The following TRPM8 variants were observed in gnomAD, a reference collection of about 807,000 sequenced individuals.
The protein encoded by TRPM8 is transient receptor potential cation channel subfamily M member 8.
TRPM8 carries 110 observed loss-of-function variants against 133.7 expected under a neutral mutation model. That is an observed-to-expected ratio of 0.82 (90% confidence interval 0.70 to 0.96). The LOEUF (loss-of-function observed/expected upper bound fraction) is 0.96. Ranked by LOEUF, TRPM8 falls within the 40% of genes least tolerant of loss-of-function variation. The pLI is 0.00. For missense variants in TRPM8, 1,291 were observed against 1,379.5 expected, an observed-to-expected ratio of 0.94 and a Z score of 1.02; for synonymous variants, 535 against 532.3, an observed-to-expected ratio of 1.01 and a Z score of -0.07.
Position 233,947,568 on chromosome 2 carries a change from C to T in TRPM8, c.942+413C>T, listed in dbSNP as rs28901644. 17,971 of 1,292,324 alleles carry T rather than the reference C, an allele frequency of 0.014. 1,437 individuals are homozygous for T. The East Asian group carries it at 0.22, about 16-fold the overall frequency. 80.1% of individuals were successfully genotyped at this position (1,292,324 alleles called of 1,614,324 possible). On this transcript the variant is annotated intron_variant, in intron 8 of 25. Transcript: ENST00000324695. ...GACCACCTAAGGCCCATTTATATGC[C>T]ACCTGGGGATGCAGGTATGTTGCAT... is the stretch of plus-strand genomic sequence containing the variant.
chr2:233,994,316 A>C (rs1431685287), intron 21 of TRPM8, among the ~76,000 whole-genome samples: 1 of 152,196 alleles, frequency 6.6e-6, no homozygotes, highest in Non-Finnish European at 1.5e-5. Flanking sequence ...CCTGACCTAC[A>C]TTTGGAAGAA....
chr2:234,014,869 C>G (rs1444101627), intron 25 of TRPM8, among the ~76,000 whole-genome samples: 1 of 151,880 alleles, frequency 6.6e-6, no homozygotes, highest in Non-Finnish European at 1.5e-5. Context: ...CTGCCCACAC[C>G]AGGGATTAGC....
At chr2:233,997,400 C>G (rs1199039585) in intron 22 of TRPM8, among the ~76,000 whole-genome samples, 1 of 152,160 alleles carries the variant, frequency 6.6e-6, no homozygotes, top group Non-Finnish European at 1.5e-5. Flanking sequence ...CAGGGAGGGT[C>G]GGCAGTGGGC....
intron 19 of TRPM8, among the ~76,000 whole-genome samples, chr2:233,982,729 G>A (rs976441546): frequency 2.6e-5 from 4 of 152,158 alleles, no homozygotes; most frequent in Non-Finnish European, 2.9e-5. Context: ...TGAGGTACAG[G>A]GACAGAGAGG....
intron 21 of TRPM8, among the ~76,000 whole-genome samples, chr2:233,993,207 G>A (rs1480198409): frequency 1.3e-5 from 2 of 152,168 alleles, no homozygotes; most frequent in African/African-American, 4.8e-5. Flanking sequence ...ATGCCCATAA[G>A]AGTTCTTGCT....
At chr2:233,966,493 A>T in intron 14 of TRPM8, 117 bp from the exon 15 acceptor site, 2 of 1,266,212 alleles carry the variant, frequency 1.6e-6, no homozygotes, top group South Asian at 1.3e-5. Flanking sequence ...CTTTTGTAAG[A>T]ATGGACTCAC....
At chr2:233,930,517 T>C (rs113141171) in intron 2 of TRPM8, 151 bp from the exon 3 acceptor site, 2 of 536,636 alleles carry the variant, frequency 3.7e-6, no homozygotes, top group South Asian at 8.2e-5. Flanking sequence ...TTTTGTATAC[T>C]CTAAAGGCAT....
chr2:233,952,335 A>G (rs1240311799), intron 9 of TRPM8, among the ~76,000 whole-genome samples: 1 of 152,154 alleles, frequency 6.6e-6, no homozygotes, highest in African/African-American at 2.4e-5. Context: ...TTTGGAAGAA[A>G]GGTAACATGG....
intron 11 of TRPM8, among the ~76,000 whole-genome samples, chr2:233,957,072 C>G (rs1363095417): frequency 1.3e-5 from 2 of 152,162 alleles, no homozygotes; most frequent in Non-Finnish European, 2.9e-5. Flanking sequence ...ACTTAACCTC[C>G]CTATGCCTCA....
intron 1 of TRPM8, among the ~76,000 whole-genome samples, chr2:233,923,360 G>A (rs1317999784): frequency 6.6e-6 from 1 of 152,140 alleles, no homozygotes; most frequent in Non-Finnish European, 1.5e-5. Flanking sequence ...CTTTGGAAAG[G>A]CCTGTTACTG....
rs28901655 is a variant in TRPM8, at chr2:233,954,140, G to A, written c.1243+121G>A. ...AGGCAAGCTTGTACTTAATTTTGAT[G>A]ATCCTAGATTGGAAGCTAGAATAAC... On this transcript the variant is annotated intron_variant, in intron 10 of 25. Coordinates refer to ENST00000324695, the MANE Select transcript of TRPM8 (RefSeq NM_024080.5). 2.5e-3 allele frequency: 1,555 copies of A among 623,386 alleles called. 17 individuals are homozygous for A. In the African/African-American group the frequency reaches 0.025, roughly 10 times the overall value. 38.6% of individuals were successfully genotyped at this position (623,386 alleles called of 1,614,324 possible). A position where few individuals can be genotyped will look rare whatever the true frequency, so the allele number is the denominator to read the frequency against.
rs571267596 is a variant in TRPM8, at chr2:233,965,809, A to G, written c.1880-801A>G. 6.6e-5 allele frequency among the ~76,000 whole-genome samples: 10 copies of G among 151,966 alleles called. No individual in the cohort carries two copies. The South Asian group carries it at 2.1e-3, about 32-fold the overall frequency. On this transcript the variant is annotated intron_variant, in intron 14 of 25. Coordinates refer to ENST00000324695, the MANE Select transcript of TRPM8 (RefSeq NM_024080.5). ...ACTGCAATTTCTTTGTCATTAGGTG[A>G]TGAAATGTAAGCACACACTAATGCA...
intron 8 of TRPM8, among the ~76,000 whole-genome samples, chr2:233,948,493 A>G (rs1006974705): frequency 1.3e-5 from 2 of 152,272 alleles, no homozygotes; most frequent in African/African-American, 4.8e-5. Context: ...AATCTGCAAA[A>G]GCAGCCACAT....
chr2:233,987,057 A>G (rs940417942), intron 21 of TRPM8, among the ~76,000 whole-genome samples: 4 of 152,208 alleles, frequency 2.6e-5, no homozygotes, highest in Non-Finnish European at 5.9e-5. Flanking sequence ...TATTAAAGGA[A>G]AAACATGCAA....
At chr2:233,983,730 G>C (rs1033065185) in intron 20 of TRPM8, among the ~76,000 whole-genome samples, 1 of 152,218 alleles carries the variant, frequency 6.6e-6, no homozygotes, top group Admixed American at 6.5e-5. Flanking sequence ...AGGAAAGTGA[G>C]GGGCTATGTA....
chr2:233,997,082 C>T (rs1292219709), intron 22 of TRPM8, among the ~76,000 whole-genome samples: 5 of 152,000 alleles, frequency 3.3e-5, no homozygotes, highest in African/African-American at 7.2e-5. Flanking sequence ...CTGGGCAACA[C>T]GGTGAAACCC....
At chr2:233,920,150 C>T (rs1250442605) in intron 1 of TRPM8, among the ~76,000 whole-genome samples, 3 of 152,054 alleles carry the variant, frequency 2.0e-5, no homozygotes, top group Non-Finnish European at 2.9e-5. Flanking sequence ...TGCAGGATGA[C>T]GTATAGTTTC....
At chr2:233,972,899 C>T (rs1691768091) in intron 17 of TRPM8, among the ~76,000 whole-genome samples, 1 of 152,248 alleles carries the variant, frequency 6.6e-6, no homozygotes, top group South Asian at 2.1e-4. Context: ...CCTTGGCCAG[C>T]CCAGAAAGGG....
chr2:233,921,063 G>C (rs531361256), intron 1 of TRPM8, among the ~76,000 whole-genome samples: 1 of 152,050 alleles, frequency 6.6e-6, no homozygotes, highest in African/African-American at 2.4e-5. Context: ...GTTTCACCAT[G>C]TTGGCCAGGC....
Sources: allele counts gnomAD v4.1 joint callset (sites outside exome capture counted in the v4.1 genomes callset), GRCh38; gene constraint gnomAD v4.1.1; transcripts MANE v1.5; gene names NCBI Gene and HGNC (gene_info 2026-07-23, HGNC 2026-07-21).